Variants in TAFA2 observed in about 807,000 individuals in gnomAD.
The protein encoded by TAFA2 is TAFA chemokine like family member 2.
In TAFA2, 7 loss-of-function variants were observed where a neutral mutation model predicts 18.8. The observed-to-expected ratio is 0.37, with a 90% CI of 0.21 to 0.70. The LOEUF (loss-of-function observed/expected upper bound fraction) is 0.70. TAFA2 is among the 30% of genes least tolerant of loss of function. The pLI is 0.53. For missense variants in TAFA2, 122 were observed against 158.1 expected (o/e 0.77, Z 1.23); for synonymous variants, 60 against 54.2 (o/e 1.11, Z -0.47).
intron 1 of TAFA2, among the ~76,000 whole-genome samples, chr12:62,181,586 T>C (rs1358662066): frequency 2.0e-5 from 3 of 152,360 alleles, no homozygotes; most frequent in Admixed American, 1.3e-4. Flanking sequence ...TCCCTCAGAC[T>C]GACATGTCTA....
chr12:62,032,412 T>C (rs1881483198), intron 1 of TAFA2, among the ~76,000 whole-genome samples: 1 of 152,200 alleles, frequency 6.6e-6, no homozygotes, highest in Non-Finnish European at 1.5e-5. Context: ...ACAAGAGTTC[T>C]GAGGACTGTT....
intron 2 of TAFA2, among the ~76,000 whole-genome samples, chr12:61,814,263 T>C (rs1282332259): frequency 6.6e-6 from 1 of 151,256 alleles, no homozygotes; most frequent in Non-Finnish European, 1.5e-5. Context: ...TATTGGTATA[T>C]TTAATCAACA....
intron 2 of TAFA2, among the ~76,000 whole-genome samples, chr12:61,861,715 G>C (rs12826571): frequency 0.28 from 42,141 of 151,934 alleles, 6,454 homozygotes; most frequent in South Asian, 0.4. Context: ...ATGTCTCCCA[G>C]GCTTTGAACT....
chr12:61,960,573 G>C (rs1220480167), intron 1 of TAFA2, among the ~76,000 whole-genome samples: 1 of 151,962 alleles, frequency 6.6e-6, no homozygotes, highest in South Asian at 2.1e-4. Flanking sequence ...AACTCAGAGA[G>C]TGATTATTCA....
At chr12:61,779,150 G>A (rs1471799225) in intron 2 of TAFA2, among the ~76,000 whole-genome samples, 6 of 151,824 alleles carry the variant, frequency 4.0e-5, no homozygotes, top group Non-Finnish European at 8.8e-5. Flanking sequence ...TGCATATTAT[G>A]TTGCATTTAA....
intron 2 of TAFA2, among the ~76,000 whole-genome samples, chr12:61,786,428 C>G (rs1011903040): frequency 1.3e-5 from 2 of 151,440 alleles, no homozygotes; most frequent in African/African-American, 4.8e-5. Flanking sequence ...AGTCTGTCAT[C>G]CACTCAAAAA....
chr12:62,069,912 C>G (rs568109173), intron 1 of TAFA2, among the ~76,000 whole-genome samples: 2 of 152,278 alleles, frequency 1.3e-5, no homozygotes, highest in East Asian at 3.9e-4. Context: ...GTATATATGT[C>G]AAGTTCTTCA....
chr12:61,877,584 A>C (rs966048651), intron 1 of TAFA2, among the ~76,000 whole-genome samples: 3 of 152,314 alleles, frequency 2.0e-5, no homozygotes, highest in East Asian at 3.9e-4. Flanking sequence ...ATGAAGAACT[A>C]GTCCAAACTA....
intron 1 of TAFA2, among the ~76,000 whole-genome samples, chr12:61,868,059 T>C (rs1874435393): frequency 6.6e-6 from 1 of 152,098 alleles, no homozygotes; most frequent in African/African-American, 2.4e-5. Flanking sequence ...AAAAGCAGAA[T>C]GAAAAATACC....
chr12:62,248,017 G>C (rs2062895133), intron 1 of TAFA2, among the ~76,000 whole-genome samples: 1 of 151,956 alleles, frequency 6.6e-6, no homozygotes. Context: ...TCTTGTTCTT[G>C]TGTCACAACC....
At chr12:62,145,077 C>A (rs1049960399) in intron 1 of TAFA2, among the ~76,000 whole-genome samples, 1 of 152,206 alleles carries the variant, frequency 6.6e-6, no homozygotes. Flanking sequence ...ACCATAACTT[C>A]TTATTCAGCT....
chr12:61,799,604 C>T (rs977754090), intron 2 of TAFA2, among the ~76,000 whole-genome samples: 1 of 152,114 alleles, frequency 6.6e-6, no homozygotes, highest in Non-Finnish European at 1.5e-5. Flanking sequence ...GGGCGGATCA[C>T]GAAGTCAGGA....
intron 2 of TAFA2, among the ~76,000 whole-genome samples, chr12:61,782,914 G>A (rs1013689086): frequency 6.6e-6 from 1 of 151,670 alleles, no homozygotes. Context: ...TTTCCCCTAG[G>A]AAAATTCCAA....
intron 2 of TAFA2, among the ~76,000 whole-genome samples, chr12:61,820,534 A>G (rs1362979783): frequency 6.6e-6 from 1 of 151,868 alleles, no homozygotes; most frequent in Non-Finnish European, 1.5e-5. Flanking sequence ...GAGAAGGAGG[A>G]GAAAGAAAGG....
At chr12:62,173,516 T>A (rs114907806) in intron 1 of TAFA2, among the ~76,000 whole-genome samples, 1,693 of 152,314 alleles carry the variant, frequency 0.011, 28 homozygotes, top group African/African-American at 0.034. Context: ...TTCTACAATA[T>A]ACCCCATCAT....
At chr12:62,063,490 C>T (rs1055645882) in intron 1 of TAFA2, among the ~76,000 whole-genome samples, 1 of 152,176 alleles carries the variant, frequency 6.6e-6, no homozygotes, top group African/African-American at 2.4e-5. Flanking sequence ...TTATTCAACA[C>T]TCCTGGGAAC....
chr12:62,082,870 A>C (rs932968304), intron 1 of TAFA2, among the ~76,000 whole-genome samples: 3 of 152,220 alleles, frequency 2.0e-5, no homozygotes, highest in Non-Finnish European at 2.9e-5. Flanking sequence ...AAGGAAACTT[A>C]ACACTTAACA....
intron 1 of TAFA2, among the ~76,000 whole-genome samples, chr12:62,041,997 G>T (rs1183150182): frequency 6.6e-6 from 1 of 152,038 alleles, no homozygotes; most frequent in East Asian, 1.9e-4. Flanking sequence ...GAATCCCAGA[G>T]CTATAAAGGA....
At chr12:61,801,029 C>T (rs968357961) in intron 2 of TAFA2, among the ~76,000 whole-genome samples, 1 of 152,024 alleles carries the variant, frequency 6.6e-6, no homozygotes, top group Non-Finnish European at 1.5e-5. Context: ...TCTCATTTTA[C>T]AATAGCTACA....
Sources: gnomAD v4.1 joint callset for allele counts (sites outside exome capture counted in the v4.1 genomes callset) on GRCh38, gnomAD v4.1.1 for gene constraint, MANE v1.5 for transcripts, NCBI Gene and HGNC (gene_info 2026-07-23, HGNC 2026-07-21) for gene names.